The following EPRS1 variants were observed in gnomAD, a reference collection of about 807,000 sequenced individuals.
EPRS1 encodes bifunctional glutamate/proline--tRNA ligase.
A neutral mutation model predicts 188.3 loss-of-function variants in EPRS1; 107 were observed. The observed-to-expected ratio is 0.57, with a 90% CI of 0.49 to 0.67. EPRS1 has a LOEUF of 0.67. Ranked by LOEUF, EPRS1 falls within the 30% of genes least tolerant of loss-of-function variation. The pLI, the probability that EPRS1 is intolerant of heterozygous loss-of-function variation, is 0.00. For synonymous variants in EPRS1, 596 were observed against 593.1 expected (o/e 1.00, Z -0.07); for missense variants, 1,577 against 1,802.2 (o/e 0.88, Z 2.26).
chr1:219,974,995 G>A (rs1037991331), intron 28 of EPRS1, among the ~76,000 whole-genome samples: 2 of 152,054 alleles, frequency 1.3e-5, no homozygotes, highest in African/African-American at 2.4e-5. Context: ...TTATTCGTCC[G>A]AATTAAAAAA....
intron 9 of EPRS1, 107 bp from the exon 10 acceptor site, chr1:220,020,328 G>C (rs950986375): frequency 1.3e-6 from 1 of 744,152 alleles, no homozygotes; most frequent in Non-Finnish European, 2.1e-6. Context: ...TACAAGTTAA[G>C]AGATTCTTAA....
intron 22 of EPRS1, 31 bp downstream of exon 22, chr1:219,983,158 T>C (rs574959513): frequency 5.0e-5 from 76 of 1,526,812 alleles, no homozygotes; most frequent in Admixed American, 1.9e-5. Flanking sequence ...TCAGAGAACA[T>C]TGCAAAAAAT....
intron 24 of EPRS1, among the ~76,000 whole-genome samples, chr1:219,981,150 G>A (rs921945730): frequency 1.3e-5 from 2 of 151,958 alleles, no homozygotes; most frequent in Non-Finnish European, 1.5e-5. Flanking sequence ...CTGTCGGCTC[G>A]ACCTCCCAAA....
chr1:220,020,185 A>G lies in EPRS1; in HGVS notation c.1152T>C (p.Val384=). 1 of 1,613,962 alleles carries G rather than the reference A, an allele frequency of 6.2e-7. No individual in the cohort carries two copies. Among genetic ancestry groups the G allele is most frequent in the East Asian group, 2.2e-5 (1 of 44,866 alleles). ...YPTYDFACPI[V]DSIEGVTHAL... is the part of the protein sequence containing the mutation. ...CATGTGTAACACCTTCGATGCTGTC[A>G]ACTATGGGGCAGGCAAAATCATATG... The change falls in exon 10 of 32, where the codon GTT becomes GTC. Residue 384 remains valine (V), a synonymous_variant. Coordinates refer to ENST00000366923, the MANE Select transcript of EPRS1 (RefSeq NM_004446.3).
chr1:220,025,554 T>C (rs1201721219), intron 6 of EPRS1, among the ~76,000 whole-genome samples: 8 of 152,184 alleles, frequency 5.3e-5, no homozygotes, highest in Non-Finnish European at 8.8e-5. Context: ...TTTTTCTTTT[T>C]ATCAAAAAGA....
chr1:220,004,809 T>G (rs953681371), intron 16 of EPRS1, among the ~76,000 whole-genome samples: 21 of 152,074 alleles, frequency 1.4e-4, no homozygotes, highest in African/African-American at 3.4e-4. Flanking sequence ...GAGTTCTCCT[T>G]CTAATAATCC....
intron 29 of EPRS1, among the ~76,000 whole-genome samples, chr1:219,973,021 A>G (rs1660698992): frequency 6.6e-6 from 1 of 152,194 alleles, no homozygotes; most frequent in African/African-American, 2.4e-5. Context: ...GGGGACAGAA[A>G]CTTCATTGTT....
In EPRS1 at chr1:220,025,265, C is replaced by G; in HGVS notation, c.624-7G>C. 1 of 1,576,972 alleles carries G rather than the reference C, an allele frequency of 6.3e-7. No homozygotes were observed. The highest frequency in any genetic ancestry group is 8.6e-7 in the Non-Finnish European group (1 of 1,165,804). On this transcript the variant is annotated splice_polypyrimidine_tract_variant and splice_region_variant and intron_variant, in intron 6 of 31. Coordinates refer to ENST00000366923, the MANE Select transcript of EPRS1 (RefSeq NM_004446.3). ...ATGCCCAATGTGTAAGTAACTAAAA[C>G]AAAAACATTTCACAAAGAAACTCAT...
chr1:219,983,465 T>A (rs1660938851), intron 21 of EPRS1, 67 bp from the exon 22 acceptor site: 1 of 1,125,090 alleles, frequency 8.9e-7, no homozygotes, highest in Non-Finnish European at 1.3e-6. Context: ...GTGGCAAGAG[T>A]ATGATAACCA....
At chr1:219,991,677 C>T (rs1661125399) in intron 18 of EPRS1, among the ~76,000 whole-genome samples, 1 of 152,186 alleles carries the variant, frequency 6.6e-6, no homozygotes, top group African/African-American at 2.4e-5. Context: ...TAACCGATTA[C>T]TGAAACCTGA....
chr1:219,997,405 T>G, intron 17 of EPRS1, 63 bp from the exon 18 acceptor site: 2 of 1,344,850 alleles, frequency 1.5e-6, no homozygotes, highest in Non-Finnish European at 2.0e-6. Context: ...CCCACAAAAT[T>G]ATTTCAAACT....
Position 220,040,289 on chromosome 1 carries a change from AT to A in EPRS1, c.47-21del, listed in dbSNP as rs534205349. On this transcript the variant is annotated intron_variant, in intron 1 of 31. Coordinates refer to ENST00000366923, the MANE Select transcript of EPRS1 (RefSeq NM_004446.3). The stretch of plus-strand genomic sequence containing the variant: ...AAGCTCCTATAAATAATATGAAAAG[AT>A]TTTTTATCTTTAAAAGCAATGCAGT... The A allele has an allele frequency of 2.7e-6, 4 of 1,493,380 alleles. No individual in the cohort carries two copies. Among genetic ancestry groups the A allele is most frequent in the African/African-American group, 2.8e-5 (2 of 71,846 alleles). The allele number at this position is 1,493,380 out of a possible 1,614,324, so 92.5% of individuals were successfully genotyped here. A position where few individuals can be genotyped will look rare whatever the true frequency, so the allele number is the denominator to read the frequency against.
At chr1:219,988,157 C>T (rs1197652476) in intron 19 of EPRS1, among the ~76,000 whole-genome samples, 3 of 152,176 alleles carry the variant, frequency 2.0e-5, no homozygotes, top group African/African-American at 7.2e-5. Flanking sequence ...TAACAGAATT[C>T]ACACTTAAAG....
At position 219,997,099 on chromosome 1, in the gene EPRS1, C is replaced by T. The variant is rs2102574194; in HGVS notation, c.2425G>A (p.Gly809Arg). The change falls in exon 18 of 32, where the codon GGA becomes AGA. Residue 809 changes from glycine (G) to arginine (R), a missense_variant. Gly to Arg is a moderately radical substitution (Grantham distance 125, BLOSUM62 -2). Transcript: ENST00000366923. ...YKPGNPPAEI[G>R]QNISSNSSAS... is the part of the protein sequence containing the mutation. ...GAGGAATTAGAAGAAATATTCTGTC[C>T]TATTTCAGCAGGAGGGTTTCCAGGT... The T allele has an allele frequency of 1.2e-6, 2 of 1,614,074 alleles. No individual in the cohort carries two copies. Among genetic ancestry groups the T allele is most frequent in the Admixed American group, 3.3e-5 (2 of 60,022 alleles).
At position 219,968,859 on chromosome 1, in the gene EPRS1, C is replaced by T; in HGVS notation, c.4486G>A (p.Val1496Ile). 1 of 1,614,154 alleles carries T rather than the reference C, an allele frequency of 6.2e-7. No homozygotes were observed. Among genetic ancestry groups the T allele is most frequent in the Admixed American group, 1.7e-5 (1 of 60,020 alleles). ...LCELQPGAKCVCGKNPAKYYT... is the reference protein window; with the variant it reads ...LCELQPGAKCICGKNPAKYYT... Reference sequence around the variant, plus strand: ...TACTTGGCAGGGTTCTTGCCACAGACACATTTGGCTCCAGGCTGCAGTTCA... The same window carrying T: ...TACTTGGCAGGGTTCTTGCCACAGATACATTTGGCTCCAGGCTGCAGTTCA... Residue 1496 changes from valine (V) to isoleucine (I), a missense_variant, in exon 32 of 32, where the codon GTC becomes ATC. By Grantham distance (29) the Val-to-Ile change is conservative. This residue lies in a region of EPRS1 where 296 missense variants were observed against 327.9 expected (regional missense o/e 0.90). Coordinates refer to ENST00000366923, the MANE Select transcript of EPRS1 (RefSeq NM_004446.3).
At chr1:219,990,732 C>A (rs1408468617) in intron 18 of EPRS1, among the ~76,000 whole-genome samples, 1 of 152,174 alleles carries the variant, frequency 6.6e-6, no homozygotes, top group African/African-American at 2.4e-5. Context: ...TTGAATTTAT[C>A]TCTTAGAATA....
At chr1:219,994,862 A>C (rs952969434) in intron 18 of EPRS1, among the ~76,000 whole-genome samples, 1 of 151,874 alleles carries the variant, frequency 6.6e-6, no homozygotes, top group Non-Finnish European at 1.5e-5. Context: ...CTGTGTTAGC[A>C]AGGATGGTCT....
rs7524382 is a variant in EPRS1, at chr1:219,983,449, G to A, written c.3091-51C>T. On this transcript the variant is annotated intron_variant, in intron 21 of 31. Coordinates refer to ENST00000366923, the MANE Select transcript of EPRS1 (RefSeq NM_004446.3). ...AAGCTTACATTGAACCAAAATTCTA[G>A]TATAAGTGGCAAGAGTATGATAACC... 1.0e-3 allele frequency: 1,348 copies of A among 1,325,802 alleles called. 14 individuals are homozygous for A. In the African/African-American group the frequency reaches 0.018, roughly 18 times the overall value. The allele number at this position is 1,325,802 out of a possible 1,614,324, so 82.1% of individuals were successfully genotyped here. A position where few individuals can be genotyped will look rare whatever the true frequency, so the allele number is the denominator to read the frequency against.
At chr1:220,033,010 A>T (rs1424847045) in intron 4 of EPRS1, among the ~76,000 whole-genome samples, 4 of 152,198 alleles carry the variant, frequency 2.6e-5, no homozygotes, top group African/African-American at 9.6e-5. Flanking sequence ...CTGTCTTTCC[A>T]AGTTGGAAAA....
Sources: allele counts gnomAD v4.1 joint callset (sites outside exome capture counted in the v4.1 genomes callset), GRCh38; gene constraint gnomAD v4.1.1; regional missense constraint gnomAD v4.1.1; transcripts MANE v1.5; gene names NCBI Gene and HGNC (gene_info 2026-07-23, HGNC 2026-07-21).